Variants in TUBGCP6 observed in about 807,000 individuals in gnomAD.
TUBGCP6 encodes gamma-tubulin complex component 6.
A neutral mutation model predicts 175.8 loss-of-function variants in TUBGCP6; 161 were observed. That is an observed-to-expected ratio of 0.92 (90% CI 0.81 to 1.04). The LOEUF (loss-of-function observed/expected upper bound fraction) is 1.04. Ranked by LOEUF, TUBGCP6 falls within the 50% of genes least tolerant of loss-of-function variation. The pLI is 0.00. For synonymous variants in TUBGCP6, 1,173 were observed against 1,030.5 expected, an observed-to-expected ratio of 1.14 and a Z score of -2.65; for missense variants, 2,572 against 2,433.0, an observed-to-expected ratio of 1.06 and a Z score of -1.20.
In TUBGCP6 at chr22:50,219,086, G is replaced by A. The variant is rs565770610; in HGVS notation, c.4608C>T (p.Ser1536=). ...AGGCCACCTTCTCAAAGAGCAGGTCGCTGAGGGACTGGGCGAACTCGCCGT... is the reference window on the plus strand; with the variant it reads ...AGGCCACCTTCTCAAAGAGCAGGTCACTGAGGGACTGGGCGAACTCGCCGT... ...MEDGEFAQSL[S]DLLFEKLGAG... is the part of the protein sequence containing the mutation. The change falls in exon 20 of 25, where the codon AGC becomes AGT. Residue 1536 remains serine, a synonymous_variant. Coordinates refer to ENST00000248846, the MANE Select transcript of TUBGCP6 (RefSeq NM_020461.4). The A allele has an allele frequency of 1.1e-5, 17 of 1,612,554 alleles. No homozygotes were observed. In the East Asian group the frequency reaches 2.0e-4, roughly 19 times the overall value.
chr22:50,222,075 G>A lies in TUBGCP6; in HGVS notation c.2437C>T (p.His813Tyr), dbSNP rs147135659. The change falls in exon 15 of 25, where the codon CAC becomes TAC. Residue 813 changes from histidine to tyrosine, a missense_variant. By Grantham distance (83) the His-to-Tyr change is moderately conservative. Coordinates refer to ENST00000248846, the MANE Select transcript of TUBGCP6 (RefSeq NM_020461.4). Reference sequence around the variant, plus strand: ...ACGTCTGGCGGCTCCTGGGGCTGGTGAGCCTCAGACACTGCTTTCAGCATC... The same window carrying A: ...ACGTCTGGCGGCTCCTGGGGCTGGTAAGCCTCAGACACTGCTTTCAGCATC... ...QEMLKAVSEAHQPQEPPDVLL... is the reference protein window; with the variant it reads ...QEMLKAVSEAYQPQEPPDVLL... The A allele has an allele frequency of 2.5e-6, 4 of 1,613,706 alleles. No homozygotes were observed. Among genetic ancestry groups the A allele is most frequent in the African/African-American group, 2.7e-5 (2 of 74,934 alleles).
Position 50,221,328 on chromosome 22 carries a change from G to T in TUBGCP6, c.3031C>A (p.Arg1011Ser), listed in dbSNP as rs144536385. Residue 1011 changes from arginine to serine, a missense_variant, in exon 16 of 25, where the codon CGT becomes AGT. Physicochemically the swap from Arg to Ser is moderately radical, Grantham distance 110 (BLOSUM62 -1). Coordinates refer to ENST00000248846, the MANE Select transcript of TUBGCP6 (RefSeq NM_020461.4). ...CTGCTCCCCTCCTCCAGAGCAGCACGCCTGGGTGGGTGTGAGGGGAGCAGA... is the reference window on the plus strand; with the variant it reads ...CTGCTCCCCTCCTCCAGAGCAGCACTCCTGGGTGGGTGTGAGGGGAGCAGA... ...ETLLPSHPPRRAALEEGSSQP... is the reference protein window; with the variant it reads ...ETLLPSHPPRSAALEEGSSQP... 3 of 1,613,012 alleles carry T rather than the reference G, an allele frequency of 1.9e-6. No homozygotes were observed. The highest frequency in any genetic ancestry group is 2.5e-6 in the Non-Finnish European group (3 of 1,179,950).
chr22:50,234,114 C>T (rs911640980), intron 2 of TUBGCP6, among the ~76,000 whole-genome samples: 4 of 150,344 alleles, frequency 2.7e-5, no homozygotes, highest in African/African-American at 4.9e-5. Flanking sequence ...ATCCACACCC[C>T]CTGTCCACAG....
intron 7 of TUBGCP6, 113 bp from the exon 8 acceptor site, chr22:50,226,491 C>T (rs538796928): frequency 2.3e-5 from 22 of 936,880 alleles, no homozygotes; most frequent in African/African-American, 1.3e-4. Flanking sequence ...CAAGTGGGGG[C>T]GTAGCTGTGA....
intron 10 of TUBGCP6, among the ~76,000 whole-genome samples, 198 bp downstream of exon 10, chr22:50,225,587 GCACCCACCC>G (rs2064593844): frequency 9.2e-6 from 1 of 108,408 alleles, no homozygotes; most frequent in Non-Finnish European, 2.2e-5. Context: ...CTCCCCCTTG[GCACCCACCC>G]TTCATCTCAA....
At chr22:50,235,328 GCATCCACACCCCCGTCCACGGCAACAA>G (rs905649691) in intron 2 of TUBGCP6, among the ~76,000 whole-genome samples, 3 of 11,314 alleles carry the variant, frequency 2.7e-4, no homozygotes, top group Admixed American at 1.6e-3. Context: ...GTCCACAGCA[GCATCCACACCCCCGTCCACGGCAACAA>G]CATCCACAAC....
At position 50,244,191 on chromosome 22, in the gene TUBGCP6, T is replaced by C. The variant is rs534624170; in HGVS notation, c.269A>G (p.Glu90Gly). Residue 90 changes from glutamate (E) to glycine (G), a missense_variant, in exon 1 of 25, where the codon GAG becomes GGG. By Grantham distance (98) the Glu-to-Gly change is moderately conservative. Coordinates refer to ENST00000248846, the MANE Select transcript of TUBGCP6 (RefSeq NM_020461.4). Reference protein sequence around the residue: ...GGLGPKADRLEELVEELEAAP... With the variant: ...GGLGPKADRLGELVEELEAAP... ...TGCTTCCAGCTCCTCCACAAGCTCC[T>C]CCAAACGGTCGGCCTTGGGGCCCAG... 6.2e-7 allele frequency: 1 copy of C among 1,613,272 alleles called. No homozygotes were observed. Among genetic ancestry groups the C allele is most frequent in the African/African-American group, 1.3e-5 (1 of 75,044 alleles).
intron 4 of TUBGCP6, among the ~76,000 whole-genome samples, chr22:50,228,298 TCCTCTC>T (rs2064643121): frequency 6.7e-6 from 1 of 148,682 alleles, no homozygotes; most frequent in Non-Finnish European, 1.5e-5. Context: ...CACCAACCCT[TCCTCTC>T]ATCTGAGCCC....
chr22:50,241,076 T>C (rs1200101338), intron 1 of TUBGCP6, among the ~76,000 whole-genome samples: 1 of 152,248 alleles, frequency 6.6e-6, no homozygotes, highest in African/African-American at 2.4e-5. Context: ...AGTTACACTA[T>C]AGATCATAAA....
Position 50,218,220 on chromosome 22 carries a change from G to T in TUBGCP6, c.5137C>A (p.His1713Asn). 1 of 1,612,578 alleles carries T rather than the reference G, an allele frequency of 6.2e-7. No homozygotes were observed. ...ACGGCCTTGTGCAGGTACTCTGCGT[G>T]CGCACGCTGGATCTCCTCCAGGTCG... Reference protein sequence around the residue: ...VGDLEEIQRAHAEYLHKAVFR... With the variant: ...VGDLEEIQRANAEYLHKAVFR... Residue 1713 changes from histidine to asparagine, a missense_variant, in exon 23 of 25, where the codon CAC becomes AAC. Physicochemically the swap from His to Asn is moderately conservative, Grantham distance 68 (BLOSUM62 1). Coordinates refer to ENST00000248846, the MANE Select transcript of TUBGCP6 (RefSeq NM_020461.4).
chr22:50,244,564 T>A lies in TUBGCP6; in HGVS notation c.-105A>T. 1 of 1,446,352 alleles carries A rather than the reference T, an allele frequency of 6.9e-7. No homozygotes were observed. Among genetic ancestry groups the A allele is most frequent in the Non-Finnish European group, 9.0e-7 (1 of 1,105,394 alleles). The allele number at this position is 1,446,352 out of a possible 1,614,324, so 89.6% of individuals were successfully genotyped here. A position where few individuals can be genotyped will look rare whatever the true frequency, so the allele number is the denominator to read the frequency against. ...TGAGAGAGGGTCCGAAGAGGCTGAA[T>A]GACAGGCGGCCTCTCCAATGCCGAA... On this transcript the variant is annotated 5_prime_UTR_variant, in exon 1 of 25. Coordinates refer to ENST00000248846, the MANE Select transcript of TUBGCP6 (RefSeq NM_020461.4).
intron 1 of TUBGCP6, 66 bp from the exon 2 acceptor site, chr22:50,240,433 A>C (rs2064826132): frequency 6.3e-7 from 1 of 1,587,470 alleles, no homozygotes; most frequent in Non-Finnish European, 8.6e-7. Context: ...AAGGGCGATG[A>C]GAATTTCAGG....
chr22:50,220,597 C>CT lies in TUBGCP6; in HGVS notation c.3761dup (p.Pro1255AlafsTer33), dbSNP rs2147177532. 6.2e-7 allele frequency: 1 copy of CT among 1,613,518 alleles called. No individual in the cohort carries two copies. The highest frequency in any genetic ancestry group is 2.2e-5 in the East Asian group (1 of 44,870). The stretch of plus-strand genomic sequence containing the variant: ...GGGTGGAAACCACATCCGACACAGG[C>CT]TCCCCCAAGCTGATGCTGGCGTCGG... On this transcript the variant is annotated frameshift_variant, in exon 16 of 25. Transcript: ENST00000248846. LOFTEE classifies it high-confidence loss of function.
intron 2 of TUBGCP6, among the ~76,000 whole-genome samples, chr22:50,239,585 G>C (rs2064815546): frequency 6.6e-6 from 1 of 152,226 alleles, no homozygotes; most frequent in Admixed American, 6.5e-5. Flanking sequence ...GTGAGCCAGG[G>C]AGTGAGTGGC....
intron 4 of TUBGCP6, among the ~76,000 whole-genome samples, 154 bp downstream of exon 4, chr22:50,229,250 T>C (rs983250428): frequency 2.0e-5 from 3 of 151,982 alleles, no homozygotes; most frequent in Non-Finnish European, 4.4e-5. Flanking sequence ...CACTGACCCA[T>C]CCCTCAAGAG....
Position 50,218,026 on chromosome 22 carries a change from G to A in TUBGCP6, c.5260C>T (p.Gln1754Ter), listed in dbSNP as rs752750569. The A allele has an allele frequency of 1.3e-5, 21 of 1,613,184 alleles. No individual in the cohort carries two copies. Among genetic ancestry groups the A allele is most frequent in the African/African-American group, 2.7e-5 (2 of 74,938 alleles). Residue 1754 changes from glutamine to a stop codon, truncating the protein, a stop_gained, in exon 24 of 25, where the codon CAG becomes TAG. Transcript: ENST00000248846. LOFTEE classifies it high-confidence loss of function. ...VLKFRSQLIS[Q>*]AWGPPGGPRG... Reference sequence around the variant, plus strand: ...GGGCCCCCAGGGGGCCCCCAGGCCTGGGAGATGAGCTGGCTGCGGAACTTG... The same window carrying A: ...GGGCCCCCAGGGGGCCCCCAGGCCTAGGAGATGAGCTGGCTGCGGAACTTG...
Position 50,221,732 on chromosome 22 carries a change from G to A in TUBGCP6, c.2627C>T (p.Ala876Val), listed in dbSNP as rs1432166687. 1 of 1,516,208 alleles carries A rather than the reference G, an allele frequency of 6.6e-7. No homozygotes were observed. The allele number at this position is 1,516,208 out of a possible 1,614,324, so 93.9% of individuals were successfully genotyped here. A position where few individuals can be genotyped will look rare whatever the true frequency, so the allele number is the denominator to read the frequency against. Residue 876 changes from alanine to valine, a missense_variant, in exon 16 of 25, where the codon GCT becomes GTT. Coordinates refer to ENST00000248846, the MANE Select transcript of TUBGCP6 (RefSeq NM_020461.4). ...CGCCTGCTGCAGCCCCCTGCCACCA[G>A]CCCCCACTGCTAGAGGCTTAAGGGG... ...PQPLKPLAVG[A>V]GGRGLQQAEG...
chr22:50,218,343 C>G lies in TUBGCP6; in HGVS notation c.5014G>C (p.Glu1672Gln), dbSNP rs755081490. 3 of 1,613,086 alleles carry G rather than the reference C, an allele frequency of 1.9e-6. No homozygotes were observed. The highest frequency in any genetic ancestry group is 3.3e-5 in the Admixed American group (2 of 60,038). Residue 1672 changes from glutamate to glutamine, a missense_variant, in exon 23 of 25, where the codon GAG becomes CAG. By Grantham distance (29) the Glu-to-Gln change is conservative (BLOSUM62 2). Coordinates refer to ENST00000248846, the MANE Select transcript of TUBGCP6 (RefSeq NM_020461.4). The stretch of plus-strand genomic sequence containing the variant: ...ATGACCTTCACGAAATGCTGCATCT[C>G]GTGCTTGAACAGCTGCAGCTGACGG... The part of the protein sequence containing the change: ...QFRQLQLFKH[E>Q]MQHFVKVIQG...
At position 50,219,665 on chromosome 22, in the gene TUBGCP6, G is replaced by A. The variant is rs747976733; in HGVS notation, c.4294C>T (p.Pro1432Ser). 67 of 1,613,580 alleles carry A rather than the reference G, an allele frequency of 4.2e-5. No homozygotes were observed. The highest frequency in any genetic ancestry group is 5.2e-5 in the Non-Finnish European group (61 of 1,179,972). The change falls in exon 18 of 25, where the codon CCG (proline) becomes TCG (serine). Residue 1432 changes from proline to serine, a missense_variant. Transcript: ENST00000248846. ...TCACACATGGACTCGTAACTGTCCG[G>A]GTACCGCTCCAAGTGGTACTGCCCT... ...LAGQYHLERY[P>S]DSYESMSEPP... is the part of the protein sequence containing the mutation.
Sources: allele counts gnomAD v4.1 joint callset (sites outside exome capture counted in the v4.1 genomes callset), GRCh38; gene constraint gnomAD v4.1.1; transcripts MANE v1.5; gene names NCBI Gene and HGNC (gene_info 2026-07-23, HGNC 2026-07-21).